The following ELOVL6 variants were observed in gnomAD, a reference collection of about 807,000 sequenced individuals.
ELOVL6 encodes the protein very long chain fatty acid elongase 6.
A neutral mutation model predicts 31.7 loss-of-function variants in ELOVL6; 8 were observed. That is an observed-to-expected ratio of 0.25 (90% CI 0.15 to 0.45). The LOEUF (loss-of-function observed/expected upper bound fraction) is 0.45, where lower values mean the gene tolerates loss of function less well. Ranked by LOEUF, ELOVL6 falls within the 20% of genes least tolerant of loss-of-function variation. The pLI, the probability that ELOVL6 is intolerant of heterozygous loss-of-function variation, is 1.00. For missense variants in ELOVL6, 126 were observed against 326.4 expected (o/e 0.39, Z 4.73); for synonymous variants, 101 against 117.7 (o/e 0.86, Z 0.92).
chr4:110,133,224 G>C (rs1022642916), intron 1 of ELOVL6, among the ~76,000 whole-genome samples: 7 of 152,134 alleles, frequency 4.6e-5, no homozygotes, highest in Non-Finnish European at 8.8e-5. Context: ...AATCAAGTCA[G>C]ATAAGGACTG....
At chr4:110,158,717 A>G (rs536422659) in intron 1 of ELOVL6, among the ~76,000 whole-genome samples, 106 of 137,240 alleles carry the variant, frequency 7.7e-4, no homozygotes, top group Non-Finnish European at 1.3e-3. Context: ...CTGGAGTGCA[A>G]TGGCACAATC....
chr4:110,173,787 T>C (rs1759022087), intron 1 of ELOVL6, among the ~76,000 whole-genome samples: 1 of 151,666 alleles, frequency 6.6e-6, no homozygotes, highest in African/African-American at 2.4e-5. Flanking sequence ...GGGAGCTAAA[T>C]GATAAGAACT....
chr4:110,176,485 A>C (rs1265624651), intron 1 of ELOVL6, among the ~76,000 whole-genome samples: 1 of 152,086 alleles, frequency 6.6e-6, no homozygotes, highest in Non-Finnish European at 1.5e-5. Context: ...TTTTAGAAGA[A>C]ATTTCCATTT....
chr4:110,084,394 G>GATATATCACATATATC (rs1202116032), intron 2 of ELOVL6, among the ~76,000 whole-genome samples: 6 of 41,146 alleles, frequency 1.5e-4, no homozygotes, highest in Admixed American at 1.1e-3. Context: ...TCGCATATAT[G>GATATATCACATATATC]ATATATGATA....
intron 1 of ELOVL6, among the ~76,000 whole-genome samples, chr4:110,189,637 GA>G (rs1334145279): frequency 7.8e-6 from 1 of 129,028 alleles, no homozygotes; most frequent in East Asian, 2.4e-4. Context: ...GAGAAAAGAA[GA>G]AAATGAAGTT....
At chr4:110,116,276 G>T (rs375516421) in intron 1 of ELOVL6, among the ~76,000 whole-genome samples, 1 of 152,134 alleles carries the variant, frequency 6.6e-6, no homozygotes, top group Non-Finnish European at 1.5e-5. Flanking sequence ...AAACTAAATC[G>T]TAAGATCTAA....
At chr4:110,053,368 G>T (rs1453125235) in intron 3 of ELOVL6, among the ~76,000 whole-genome samples, 1 of 152,212 alleles carries the variant, frequency 6.6e-6, no homozygotes, top group Non-Finnish European at 1.5e-5. Flanking sequence ...AAGAATGCTG[G>T]ACTATGGGGA....
intron 2 of ELOVL6, among the ~76,000 whole-genome samples, chr4:110,102,710 A>G (rs1295478671): frequency 1.3e-5 from 2 of 152,056 alleles, no homozygotes; most frequent in African/African-American, 4.8e-5. Flanking sequence ...TTTTACCTCA[A>G]TAAGTAAATT....
intron 2 of ELOVL6, among the ~76,000 whole-genome samples, chr4:110,094,248 CAAA>C (rs34049395): frequency 1.7e-5 from 2 of 114,666 alleles, no homozygotes; most frequent in Non-Finnish European, 1.8e-5. Context: ...AACTCCATCT[CAAA>C]AAAAAAAAAA....
chr4:110,119,948 G>A (rs1476647426), intron 1 of ELOVL6, among the ~76,000 whole-genome samples: 1 of 152,160 alleles, frequency 6.6e-6, no homozygotes, highest in Non-Finnish European at 1.5e-5. Flanking sequence ...GATCAAGCAT[G>A]GATTCCCAGA....
chr4:110,087,425 A>G (rs1756297551), intron 2 of ELOVL6, among the ~76,000 whole-genome samples: 1 of 152,196 alleles, frequency 6.6e-6, no homozygotes, highest in Non-Finnish European at 1.5e-5. Flanking sequence ...ATAAAATTCA[A>G]TCACTATTCT....
chr4:110,068,501 T>C (rs752950035), intron 2 of ELOVL6, among the ~76,000 whole-genome samples: 4 of 152,166 alleles, frequency 2.6e-5, no homozygotes, highest in Non-Finnish European at 5.9e-5. Context: ...GTCAGAAAAC[T>C]TCATCGCAAA....
At chr4:110,150,751 A>G (rs1484458885) in intron 1 of ELOVL6, among the ~76,000 whole-genome samples, 1 of 152,142 alleles carries the variant, frequency 6.6e-6, no homozygotes, top group Non-Finnish European at 1.5e-5. Context: ...AAATAAAAAT[A>G]CAGTTTTAGG....
rs544234717 is a variant in ELOVL6 at position 110,090,600 on chromosome 4, C to CTTTTTTTTTTTTTTTTTT, written c.221+14879_221+14896dup. On this transcript the variant is annotated intron_variant, in intron 2 of 3. Coordinates refer to ENST00000302274, the MANE Select transcript of ELOVL6 (RefSeq NM_024090.3). ...GGAACTTACAGGAAAGTTTGACTTT[C>CTTTTTTTTTTTTTTTTTT]TTTTTTTTTTTTTTTTTTTTCATGA... 8.7e-4 allele frequency among the ~76,000 whole-genome samples: 90 copies of CTTTTTTTTTTTTTTTTTT among 103,716 alleles called. 11 individuals carry two copies. Among genetic ancestry groups the CTTTTTTTTTTTTTTTTTT allele is most frequent in the Middle Eastern group, 5.3e-3 (1 of 190 alleles). The allele number at this position is 103,716 out of a possible 152,430, so 68.0% of individuals were successfully genotyped here. A position where few individuals can be genotyped will look rare whatever the true frequency, so the allele number is the denominator to read the frequency against.
intron 2 of ELOVL6, among the ~76,000 whole-genome samples, chr4:110,095,049 G>A (rs1420686430): frequency 6.6e-6 from 1 of 152,210 alleles, no homozygotes; most frequent in Admixed American, 6.5e-5. Context: ...CAAGTTCAGT[G>A]GAGCTGAGAT....
intron 1 of ELOVL6, among the ~76,000 whole-genome samples, chr4:110,138,658 T>C (rs1578509574): frequency 6.9e-6 from 1 of 145,532 alleles, no homozygotes; most frequent in African/African-American, 2.6e-5. Flanking sequence ...AAGTGCATAC[T>C]GGAAAGCCTG....
chr4:110,113,621 A>G (rs79158771), intron 1 of ELOVL6, among the ~76,000 whole-genome samples: 3,068 of 152,254 alleles, frequency 0.02, 82 homozygotes, highest in African/African-American at 0.062. Context: ...TCTTATTTAG[A>G]CAAATCTCCC....
At chr4:110,198,197 G>C (rs368533427) in intron 1 of ELOVL6, 50 bp downstream of exon 1, 5 of 1,150,758 alleles carry the variant, frequency 4.3e-6, no homozygotes, top group Non-Finnish European at 6.6e-6. Context: ...GGCACTCCGG[G>C]AAGACGCGCA....
In ELOVL6 at chr4:110,187,730, C is replaced by T. The variant is rs930141852; in HGVS notation, c.89+10517G>A. Among the ~76,000 whole-genome samples the T allele has an allele frequency of 1.2e-4, 18 of 150,906 alleles. 1 individual carries two copies. Among genetic ancestry groups the T allele is most frequent in the Admixed American group, 8.6e-4 (13 of 15,096 alleles). On this transcript the variant is annotated intron_variant, in intron 1 of 3. Coordinates refer to ENST00000302274, the MANE Select transcript of ELOVL6 (RefSeq NM_024090.3). ...AAAAAAAAATTGTAATGTGATAGTA[C>T]GTAAATCTGTTCAGTGCAGTCCCTG...
Sources: allele counts gnomAD v4.1 joint callset (sites outside exome capture counted in the v4.1 genomes callset), GRCh38; gene constraint gnomAD v4.1.1; transcripts MANE v1.5; gene names NCBI Gene and HGNC (gene_info 2026-07-23, HGNC 2026-07-21).